ZC3H13: variants seen among roughly 807,000 people sequenced by gnomAD.
The protein encoded by ZC3H13 is zinc finger CCCH-type containing 13.
In ZC3H13, 64 loss-of-function variants were observed where a neutral mutation model predicts 204.1. That is an observed-to-expected ratio of 0.31 (90% CI 0.26 to 0.39). The LOEUF (loss-of-function observed/expected upper bound fraction) is 0.39, where lower values mean the gene tolerates loss of function less well. Among genes scored for constraint, ZC3H13 ranks in the 10% least tolerant of loss-of-function variants. ZC3H13 has a pLI of 1.00. For synonymous variants in ZC3H13, 667 were observed against 693.7 expected (o/e 0.96, Z 0.60); for missense variants, 1,833 against 2,082.7 (o/e 0.88, Z 2.33).
At chr13:45,960,962 A>G (rs1421754982) in intron 17 of ZC3H13, among the ~76,000 whole-genome samples, 1 of 152,238 alleles carries the variant, frequency 6.6e-6, no homozygotes, top group African/African-American at 2.4e-5. Context: ...GATGTGTAAC[A>G]TAAGAAAGGT....
chr13:46,034,026 T>C (rs1330701002), intron 4 of ZC3H13, among the ~76,000 whole-genome samples: 3 of 152,058 alleles, frequency 2.0e-5, no homozygotes, highest in Non-Finnish European at 2.9e-5. Context: ...CAATAAAAGA[T>C]ATACATAAGA....
rs758846200 is a variant in ZC3H13 at position 45,969,028 on chromosome 13, G to A, written c.3516C>T (p.His1172=). The A allele has an allele frequency of 7.4e-6, 12 of 1,614,176 alleles. No individual in the cohort carries two copies. The highest frequency in any genetic ancestry group is 4.5e-5 in the East Asian group (2 of 44,890). ...GATGCTGTGCATCTTCTATAGTCACGTGAGGCGTCTCTACTTTTTCTACTC... is the reference window on the plus strand; with the variant it reads ...GATGCTGTGCATCTTCTATAGTCACATGAGGCGTCTCTACTTTTTCTACTC... The part of the protein sequence containing the change: ...RTRVEKVETP[H]VTIEDAQHRK... Residue 1172 remains histidine (H), a synonymous_variant, in exon 14 of 19, where the codon CAC becomes CAT. Coordinates refer to ENST00000679008, the MANE Select transcript of ZC3H13 (RefSeq NM_001330564.2).
rs2137726874 is a variant in ZC3H13, at chr13:45,959,623, C to G, written c.4699G>C (p.Glu1567Gln). 1 of 1,534,952 alleles carries G rather than the reference C, an allele frequency of 6.5e-7. No homozygotes were observed. The highest frequency in any genetic ancestry group is 2.5e-5 in the East Asian group (1 of 39,932). Residue 1567 changes from glutamate to glutamine, a missense_variant, in exon 18 of 19, where the codon GAA becomes CAA. Glu to Gln is a conservative substitution (Grantham distance 29, BLOSUM62 2). Around this residue, in one of 5 missense-constraint regions of ZC3H13, gnomAD observed 211 missense variants for 228.4 expected, o/e 0.92. Transcript: ENST00000679008. ...GCAGCCATATTGAGAGCCCCCAATT[C>G]ATGTTCAAAGAGATTGTCTGCATCT... is the stretch of plus-strand genomic sequence containing the variant. ...PKDADNLFEHELGALNMAALL... is the reference protein window; with the variant it reads ...PKDADNLFEHQLGALNMAALL...
intron 8 of ZC3H13, among the ~76,000 whole-genome samples, chr13:45,992,626 T>C (rs917670598): frequency 6.6e-6 from 1 of 152,206 alleles, no homozygotes; most frequent in Non-Finnish European, 1.5e-5. Context: ...CTGACATAAC[T>C]GGGTTAACTG....
chr13:46,047,024 T>G (rs984974798), intron 1 of ZC3H13, among the ~76,000 whole-genome samples: 7 of 152,158 alleles, frequency 4.6e-5, no homozygotes, highest in African/African-American at 1.7e-4. Context: ...TCATTTAGTC[T>G]CTATAAAGAT....
intron 2 of ZC3H13, 24 bp downstream of exon 2, chr13:46,045,367 G>A: frequency 1.3e-6 from 2 of 1,569,300 alleles, no homozygotes; most frequent in East Asian, 4.5e-5. Flanking sequence ...GAGAACCCCT[G>A]TGACTATACT....
At chr13:46,009,161 T>A (rs756477102) in intron 7 of ZC3H13, among the ~76,000 whole-genome samples, 1 of 151,932 alleles carries the variant, frequency 6.6e-6, no homozygotes, top group African/African-American at 2.4e-5. Flanking sequence ...AACTTAAAAT[T>A]TGAGCTAGAG....
chr13:46,004,741 T>C (rs2041011182), intron 7 of ZC3H13, among the ~76,000 whole-genome samples: 1 of 152,178 alleles, frequency 6.6e-6, no homozygotes, highest in East Asian at 1.9e-4. Flanking sequence ...ATATTCATCA[T>C]AAATTTCTCA....
intron 6 of ZC3H13, 129 bp from the exon 7 acceptor site, chr13:46,010,634 A>G: frequency 1.1e-6 from 1 of 918,918 alleles, no homozygotes; most frequent in Non-Finnish European, 1.6e-6. Flanking sequence ...AGTGGTTCAC[A>G]CCTGTAATCC....
chr13:46,039,926 T>C (rs867180476), intron 4 of ZC3H13, among the ~76,000 whole-genome samples: 1 of 152,128 alleles, frequency 6.6e-6, no homozygotes, highest in South Asian at 2.1e-4. Flanking sequence ...CTAGAAAGCA[T>C]GGCTTTCTTT....
chr13:46,009,825 A>G (rs1263856453), intron 7 of ZC3H13, among the ~76,000 whole-genome samples: 11 of 152,118 alleles, frequency 7.2e-5, no homozygotes, highest in Non-Finnish European at 1.3e-4. Context: ...TTTTTTGTGT[A>G]TAATTTGTAG....
intron 10 of ZC3H13, among the ~76,000 whole-genome samples, chr13:45,985,029 G>C (rs1035104355): frequency 1.3e-5 from 2 of 152,068 alleles, no homozygotes; most frequent in Admixed American, 1.3e-4. Flanking sequence ...TTTTTTGTCT[G>C]ATAGTGATTT....
intron 8 of ZC3H13, among the ~76,000 whole-genome samples, chr13:45,993,339 G>A (rs780914558): frequency 4.0e-4 from 61 of 152,286 alleles, no homozygotes; most frequent in African/African-American, 1.4e-3. Context: ...CTATGTCAGG[G>A]TGACTACTCT....
At chr13:46,028,865 ATTAAT>A (rs2042703184) in intron 4 of ZC3H13, among the ~76,000 whole-genome samples, 1 of 152,264 alleles carries the variant, frequency 6.6e-6, no homozygotes, top group African/African-American at 2.4e-5. Flanking sequence ...ACCAAAAATC[ATTAAT>A]TTAAGCTTCC....
rs904913138 is a variant in ZC3H13, at chr13:46,014,412, A to C, written c.449-2858T>G. Among the ~76,000 whole-genome samples, 3 of 152,218 alleles carry C rather than the reference A, an allele frequency of 2.0e-5. No homozygotes were observed. The East Asian group carries it at 5.8e-4, about 29-fold the overall frequency. On this transcript the variant is annotated intron_variant, in intron 5 of 18. Transcript: ENST00000679008. ...TGTTCCCCTCTCTGTGTTGATCAGC[A>C]ACTTCCAGTAATTTATTGTATAAAA...
chr13:45,966,086 T>A (rs1216588258), intron 15 of ZC3H13, among the ~76,000 whole-genome samples: 2 of 152,128 alleles, frequency 1.3e-5, no homozygotes, highest in Admixed American at 6.5e-5. Flanking sequence ...TATGTTCTAT[T>A]TTTTTATTTT....
chr13:45,979,668 T>C (rs1953376258), intron 11 of ZC3H13, 145 bp downstream of exon 11: 2 of 756,966 alleles, frequency 2.6e-6, no homozygotes, highest in Admixed American at 7.0e-5. Context: ...AAAGATTATA[T>C]GAGTATATAT....
At chr13:46,028,400 T>C (rs1282775298) in intron 4 of ZC3H13, among the ~76,000 whole-genome samples, 1 of 152,166 alleles carries the variant, frequency 6.6e-6, no homozygotes, top group Non-Finnish European at 1.5e-5. Context: ...CCATCATAAA[T>C]GGAAAGATTC....
intron 4 of ZC3H13, among the ~76,000 whole-genome samples, chr13:46,036,075 G>A (rs1225021812): frequency 6.6e-6 from 1 of 151,946 alleles, no homozygotes; most frequent in Non-Finnish European, 1.5e-5. Context: ...TTGAGCCTGG[G>A]AGGTGGAGGC....
Sources: gnomAD v4.1 joint callset for allele counts (sites outside exome capture counted in the v4.1 genomes callset) on GRCh38, gnomAD v4.1.1 for gene constraint, gnomAD v4.1.1 regional missense constraint, MANE v1.5 for transcripts, NCBI Gene and HGNC (gene_info 2026-07-23, HGNC 2026-07-21) for gene names.